Variants in RBFOX1 observed in about 807,000 individuals in gnomAD.
The protein encoded by RBFOX1 is RNA binding protein fox-1 homolog 1.
A neutral mutation model predicts 57.7 loss-of-function variants in RBFOX1; 8 were observed. That is an observed-to-expected ratio of 0.14 (90% CI 0.08 to 0.25). The LOEUF (loss-of-function observed/expected upper bound fraction) is 0.25. RBFOX1 is among the 10% of genes least tolerant of loss of function. The pLI is 1.00. For synonymous variants in RBFOX1, 326 were observed against 222.4 expected (o/e 1.47, Z -4.15); for missense variants, 611 against 548.5 (o/e 1.11, Z -1.14).
intron 2 of RBFOX1, among the ~76,000 whole-genome samples, chr16:5,551,867 A>G (rs577582739): frequency 1.4e-5 from 2 of 140,280 alleles, no homozygotes; most frequent in Non-Finnish European, 3.0e-5. Context: ...TTCAACTCCC[A>G]CTTATGAGTG....
chr16:6,872,913 C>G (rs1015602285), intron 3 of RBFOX1, among the ~76,000 whole-genome samples: 1 of 152,174 alleles, frequency 6.6e-6, no homozygotes, highest in Non-Finnish European at 1.5e-5. Flanking sequence ...AGCCATACTT[C>G]TCAGTAACCT....
At chr16:6,089,589 T>C (rs1200814397) in intron 1 of RBFOX1, among the ~76,000 whole-genome samples, 1 of 152,186 alleles carries the variant, frequency 6.6e-6, no homozygotes, top group African/African-American at 2.4e-5. Flanking sequence ...CATTTGTCTT[T>C]TGAATGCAAA....
intron 3 of RBFOX1, among the ~76,000 whole-genome samples, chr16:6,862,073 C>T (rs761617063): frequency 2.6e-5 from 4 of 151,950 alleles, no homozygotes; most frequent in Non-Finnish European, 5.9e-5. Flanking sequence ...AAACTGATTT[C>T]GATGAGAAGA....
At chr16:5,678,280 C>G (rs2050225038) in intron 3 of RBFOX1, among the ~76,000 whole-genome samples, 1 of 152,158 alleles carries the variant, frequency 6.6e-6, no homozygotes, top group African/African-American at 2.4e-5. Flanking sequence ...GCAGTGCAGT[C>G]TGAATTAGAC....
At position 7,146,500 on chromosome 16, in the gene RBFOX1, G is replaced by C. The variant is rs1157795362; in HGVS notation, c.27+94402G>C. On this transcript the variant is annotated intron_variant, in intron 4 of 15. Coordinates refer to ENST00000550418, the MANE Select transcript of RBFOX1 (RefSeq NM_018723.4). ...GGTGGTCTTCAGCTTTCTGATACTA[G>C]AGAGAGCTAGGATGCATAGGCCATC... Among the ~76,000 whole-genome samples, 7 of 152,168 alleles carry C rather than the reference G, an allele frequency of 4.6e-5. No individual in the cohort carries two copies. In the East Asian group the frequency reaches 1.2e-3, roughly 25 times the overall value.
At chr16:7,500,404 T>C (rs2070346376) in intron 4 of RBFOX1, among the ~76,000 whole-genome samples, 1 of 152,332 alleles carries the variant, frequency 6.6e-6, no homozygotes, top group South Asian at 2.1e-4. Context: ...TTTGTTCTGA[T>C]GAGAGGTCTA....
At chr16:6,483,407 T>G in intron 2 of RBFOX1, 1 of 1,533,064 alleles carries the variant, frequency 6.5e-7, no homozygotes, top group Non-Finnish European at 8.7e-7. Flanking sequence ...GTCATTTACA[T>G]TGCTAGCACG....
chr16:5,489,448 A>G (rs1284162942), intron 2 of RBFOX1, among the ~76,000 whole-genome samples: 4 of 152,222 alleles, frequency 2.6e-5, no homozygotes, highest in Non-Finnish European at 4.4e-5. Context: ...CTGAAACTGG[A>G]TAGACTTCCA....
chr16:7,017,655 G>T (rs1294011948), intron 3 of RBFOX1, among the ~76,000 whole-genome samples: 1 of 152,124 alleles, frequency 6.6e-6, no homozygotes. Context: ...TCTCATGGCT[G>T]ATACATGCTT....
chr16:6,783,791 T>C (rs555410231), intron 3 of RBFOX1, among the ~76,000 whole-genome samples: 6 of 152,276 alleles, frequency 3.9e-5, no homozygotes, highest in African/African-American at 9.6e-5. Context: ...GTCTTTCATA[T>C]TGAAGAACTC....
At chr16:6,710,747 T>C (rs77957521) in intron 3 of RBFOX1, among the ~76,000 whole-genome samples, 1 of 152,194 alleles carries the variant, frequency 6.6e-6, no homozygotes, top group East Asian at 1.9e-4. Context: ...GGCAGGAAAA[T>C]GGCCCTTGGC....
At chr16:6,916,776 C>A (rs140710867) in intron 3 of RBFOX1, among the ~76,000 whole-genome samples, 81 of 152,224 alleles carry the variant, frequency 5.3e-4, no homozygotes, top group African/African-American at 1.8e-3. Context: ...TAAACTTTTC[C>A]CATCTTTGAA....
rs539518652 is a variant in RBFOX1 at position 5,521,350 on chromosome 16, G to T, written c.258+54096G>T. On this transcript the variant is annotated intron_variant, in intron 2 of 2. Coordinates refer to the RBFOX1 transcript ENST00000585867. Reference sequence around the variant, plus strand: ...TCATGCAGACTCAGCAGCTTTTGCTGTTGGGGGTGGGGTGGGGTGGGGGGG... The same window carrying T: ...TCATGCAGACTCAGCAGCTTTTGCTTTTGGGGGTGGGGTGGGGTGGGGGGG... 1.9e-3 allele frequency among the ~76,000 whole-genome samples: 228 copies of T among 117,210 alleles called. 1 individual carries two copies. The Middle Eastern group carries it at 0.035, about 18-fold the overall frequency. The allele number at this position is 117,210 out of a possible 152,430, so 76.9% of individuals were successfully genotyped here.
intron 3 of RBFOX1, among the ~76,000 whole-genome samples, chr16:6,761,297 A>G (rs1027263775): frequency 1.3e-5 from 2 of 152,116 alleles, no homozygotes; most frequent in Non-Finnish European, 2.9e-5. Context: ...TGACACTTGG[A>G]TATTTGGTTG....
intron 7 of RBFOX1, among the ~76,000 whole-genome samples, chr16:7,587,730 T>C (rs537168802): frequency 2.0e-5 from 3 of 152,352 alleles, no homozygotes. Flanking sequence ...ACCTTTTGAA[T>C]GTAATTTTAT....
intron 1 of RBFOX1, among the ~76,000 whole-genome samples, chr16:5,263,715 G>A (rs1319894345): frequency 6.6e-6 from 1 of 152,172 alleles, no homozygotes; most frequent in Non-Finnish European, 1.5e-5. Flanking sequence ...ATCTAGGGGT[G>A]AGATGGAAGT....
intron 2 of RBFOX1, among the ~76,000 whole-genome samples, chr16:6,573,293 GGA>G (rs2097371312): frequency 6.6e-6 from 1 of 151,842 alleles, no homozygotes; most frequent in Non-Finnish European, 1.5e-5. Flanking sequence ...GTCTGCCAGG[GGA>G]CGCCATACCC....
intron 2 of RBFOX1, among the ~76,000 whole-genome samples, chr16:6,493,077 G>A (rs904181441): frequency 2.2e-4 from 33 of 152,120 alleles, no homozygotes; most frequent in Non-Finnish European, 4.4e-5. Flanking sequence ...ATATTTAAGA[G>A]AAAAGCCTCC....
chr16:7,053,623 T>C (rs1205751753), intron 4 of RBFOX1, among the ~76,000 whole-genome samples: 1 of 152,176 alleles, frequency 6.6e-6, no homozygotes, highest in Admixed American at 6.5e-5. Flanking sequence ...ACGCAGTAGG[T>C]AATGAAGGAC....
Sources: gnomAD v4.1 joint callset for allele counts (sites outside exome capture counted in the v4.1 genomes callset) on GRCh38, gnomAD v4.1.1 for gene constraint, MANE v1.5 for transcripts, NCBI Gene and HGNC (gene_info 2026-07-23, HGNC 2026-07-21) for gene names.